Variants in PDE7B observed in about 807,000 individuals in gnomAD.
PDE7B encodes 3',5'-cyclic-AMP phosphodiesterase 7B.
In PDE7B, 29 loss-of-function variants were observed where a neutral mutation model predicts 56.2. The observed-to-expected ratio is 0.52, with a 90% CI of 0.38 to 0.70. PDE7B has a LOEUF of 0.70. PDE7B is among the 30% of genes least tolerant of loss of function. PDE7B has a pLI of 0.00. For missense variants in PDE7B, 490 were observed against 565.0 expected (o/e 0.87, Z 1.35); for synonymous variants, 197 against 196.9 (o/e 1.00, Z 0.00).
chr6:136,088,268 C>T (rs1047767023), intron 2 of PDE7B, among the ~76,000 whole-genome samples: 19 of 152,024 alleles, frequency 1.2e-4, no homozygotes, highest in African/African-American at 3.4e-4. Context: ...ATTACTATAC[C>T]GGGGGCGGGC....
rs189301962 is a variant in PDE7B, at chr6:135,907,452, C to T, written c.22-40012C>T. ...GTTTCTGCTTGCTTTGGTTGCTCAG[C>T]GGTGCTTTTAGTCAATTATTTGTTT... On this transcript the variant is annotated intron_variant, in intron 1 of 12. Coordinates refer to ENST00000308191, the MANE Select transcript of PDE7B (RefSeq NM_018945.4). 3.3e-5 allele frequency among the ~76,000 whole-genome samples: 5 copies of T among 152,116 alleles called. No homozygotes were observed. In the East Asian group the frequency reaches 5.8e-4, roughly 18 times the overall value.
intron 3 of PDE7B, among the ~76,000 whole-genome samples, chr6:136,140,163 G>C (rs1376090907): frequency 6.6e-6 from 1 of 152,088 alleles, no homozygotes; most frequent in Non-Finnish European, 1.5e-5. Flanking sequence ...TGTAAGGAAG[G>C]GATCCAGTTT....
At chr6:135,945,482 T>TCTC (rs35083045) in intron 1 of PDE7B, among the ~76,000 whole-genome samples, 71,445 of 151,530 alleles carry the variant, frequency 0.47, 16,967 homozygotes, top group Admixed American at 0.57. Context: ...CAACTGTCCA[T>TCTC]CTCCACATAA....
chr6:135,862,562 T>C (rs1001536980), intron 1 of PDE7B, among the ~76,000 whole-genome samples: 6 of 151,908 alleles, frequency 3.9e-5, no homozygotes, highest in African/African-American at 1.4e-4. Context: ...CTAGTAAAAA[T>C]GTTCTGGGAC....
intron 2 of PDE7B, among the ~76,000 whole-genome samples, chr6:136,050,421 A>T: frequency 6.6e-6 from 1 of 151,866 alleles, no homozygotes; most frequent in East Asian, 1.9e-4. Flanking sequence ...TTAAAAAAAA[A>T]AAATGCCAAA....
chr6:136,101,293 A>G (rs1777557593), intron 2 of PDE7B, among the ~76,000 whole-genome samples: 1 of 152,170 alleles, frequency 6.6e-6, no homozygotes, highest in African/African-American at 2.4e-5. Context: ...TGAGTTAGAG[A>G]GCATTTCCTC....
chr6:135,911,622 T>C (rs1440262812), intron 1 of PDE7B, among the ~76,000 whole-genome samples: 1 of 152,198 alleles, frequency 6.6e-6, no homozygotes, highest in Non-Finnish European at 1.5e-5. Context: ...TCTATGTGTT[T>C]TTGTGTTTGC....
At chr6:136,100,827 G>A (rs1777549106) in intron 2 of PDE7B, among the ~76,000 whole-genome samples, 1 of 152,150 alleles carries the variant, frequency 6.6e-6, no homozygotes, top group African/African-American at 2.4e-5. Context: ...GGTGAGAGAG[G>A]GCATCCTTGT....
chr6:136,007,441 G>T (rs947238004), intron 2 of PDE7B, among the ~76,000 whole-genome samples: 5 of 152,000 alleles, frequency 3.3e-5, no homozygotes, highest in African/African-American at 1.2e-4. Context: ...TTAGGGAAGA[G>T]TCCCTCCTCC....
In PDE7B at chr6:136,187,030, T is replaced by A. The variant is rs551074196; in HGVS notation, c.1046-6T>A. 13 of 1,474,264 alleles carry A rather than the reference T, an allele frequency of 8.8e-6. No individual in the cohort carries two copies. The African/African-American group carries it at 1.4e-4, about 16-fold the overall frequency. 91.3% of individuals were successfully genotyped at this position (1,474,264 alleles called of 1,614,324 possible). On this transcript the variant is annotated splice_region_variant and splice_polypyrimidine_tract_variant and intron_variant, in intron 11 of 12. Transcript: ENST00000308191. ...TGTGTTTTTTTCTTTCTTTCTTTCT[T>A]CTTAGGTGAACTTGAACAGAAATTT...
At chr6:136,152,669 T>C (rs1478900814) in intron 6 of PDE7B, among the ~76,000 whole-genome samples, 2 of 152,252 alleles carry the variant, frequency 1.3e-5, no homozygotes, top group African/African-American at 4.8e-5. Flanking sequence ...TCAGGGGACA[T>C]TTCTAATCAC....
intron 3 of PDE7B, chr6:136,114,978 T>C (rs1777808042): frequency 6.6e-6 from 1 of 152,098 alleles, no homozygotes; most frequent in Admixed American, 6.5e-5. Flanking sequence ...ACCACTGAAA[T>C]GCCCACTAGC....
At chr6:136,038,216 A>G (rs918743906) in intron 2 of PDE7B, 1 of 1,296,532 alleles carries the variant, frequency 7.7e-7, no homozygotes, top group Non-Finnish European at 1.0e-6. Flanking sequence ...AAGCAGAAAC[A>G]GCAGCAGCAG....
chr6:135,948,275 A>AT (rs1198729264), intron 2 of PDE7B, among the ~76,000 whole-genome samples: 1 of 152,040 alleles, frequency 6.6e-6, no homozygotes, highest in Non-Finnish European at 1.5e-5. Context: ...TAAAGTTGCA[A>AT]TTCATTATAG....
chr6:136,038,303 G>A, intron 2 of PDE7B: 4 of 1,295,520 alleles, frequency 3.1e-6, no homozygotes, highest in Non-Finnish European at 4.0e-6. Context: ...GCCTGTGCTA[G>A]AGCGATATTT....
At chr6:135,859,409 T>C (rs1775102631) in intron 1 of PDE7B, among the ~76,000 whole-genome samples, 1 of 152,134 alleles carries the variant, frequency 6.6e-6, no homozygotes, top group Non-Finnish European at 1.5e-5. Context: ...TTATTTTCTG[T>C]TTTTCTAGAT....
At chr6:135,923,525 G>A (rs9494417) in intron 1 of PDE7B, among the ~76,000 whole-genome samples, 28,909 of 151,988 alleles carry the variant, frequency 0.19, 3,581 homozygotes, top group African/African-American at 0.35. Context: ...TTCAAAAAAT[G>A]GTATAGGCAG....
intron 1 of PDE7B, among the ~76,000 whole-genome samples, chr6:135,941,659 C>T (rs1444874264): frequency 6.6e-6 from 1 of 152,178 alleles, no homozygotes; most frequent in Non-Finnish European, 1.5e-5. Flanking sequence ...TTATTAAATT[C>T]CTTTCTGCTA....
intron 2 of PDE7B, among the ~76,000 whole-genome samples, chr6:135,997,221 C>T (rs1463214220): frequency 1.3e-5 from 2 of 151,386 alleles, no homozygotes; most frequent in Non-Finnish European, 2.9e-5. Context: ...GGTTCAAGAC[C>T]TAAGCAATAT....
Sources: allele counts gnomAD v4.1 joint callset (sites outside exome capture counted in the v4.1 genomes callset), GRCh38; gene constraint gnomAD v4.1.1; transcripts MANE v1.5; gene names NCBI Gene and HGNC (gene_info 2026-07-23, HGNC 2026-07-21).